The following TACC1 variants were observed in gnomAD, a reference collection of about 807,000 sequenced individuals.
TACC1 encodes transforming acidic coiled-coil-containing protein 1.
TACC1 carries 48 observed loss-of-function variants against 84.4 expected under a neutral mutation model. The ratio of observed to expected loss-of-function variants is 0.57; its 90% CI spans 0.45 to 0.72. The LOEUF is 0.72. Ranked by LOEUF, TACC1 falls within the 30% of genes least tolerant of loss-of-function variation. The pLI is 0.00. For missense variants in TACC1, 920 were observed against 973.0 expected (o/e 0.95, Z 0.72); for synonymous variants, 372 against 376.3 (o/e 0.99, Z 0.13).
At chr8:38,774,465 C>T (rs1814385747) in intron 3 of TACC1, among the ~76,000 whole-genome samples, 1 of 152,106 alleles carries the variant, frequency 6.6e-6, no homozygotes, top group South Asian at 2.1e-4. Context: ...ATTATTTTGC[C>T]TTAAACACTA....
At chr8:38,840,831 C>A (rs529606706) in intron 9 of TACC1, among the ~76,000 whole-genome samples, 13 of 152,182 alleles carry the variant, frequency 8.5e-5, no homozygotes, top group African/African-American at 3.1e-4. Flanking sequence ...AGGTGGATCA[C>A]CTGAGGTTGA....
chr8:38,752,940 T>C lies in TACC1; in HGVS notation c.26+7447T>C, dbSNP rs145327355. ...TCACTGGGGACAGACAACAGCAGGG[T>C]TGCCCATAACTTACAGCTGGCCTCT... On this transcript the variant is annotated intron_variant, in intron 3 of 14. Transcript: ENST00000518415. Among the ~76,000 whole-genome samples, 165 of 152,180 alleles carry C rather than the reference T, an allele frequency of 1.1e-3. 1 individual carries two copies. The highest frequency in any genetic ancestry group is 3.6e-3 in the African/African-American group (149 of 41,514).
chr8:38,783,076 ATCTATCTATCTATC>A (rs1376533596), upstream of TACC1, among the ~76,000 whole-genome samples: 25 of 96,070 alleles, frequency 2.6e-4, no homozygotes, highest in African/African-American at 1.3e-3. Context: ...ATATCTATCT[ATCTATCTATCTATC>A]TATCTATCTA....
chr8:38,788,501 G>C, intron 1 of TACC1: 2 of 489,976 alleles, frequency 4.1e-6, no homozygotes, highest in Non-Finnish European at 7.3e-6. Context: ...CTTTCAGAGA[G>C]ACAGGATGCC....
intron 3 of TACC1, among the ~76,000 whole-genome samples, chr8:38,773,257 T>C (rs920291912): frequency 2.0e-5 from 3 of 151,838 alleles, no homozygotes; most frequent in East Asian, 3.9e-4. Flanking sequence ...AATTGGAAAG[T>C]GGAGTTGTGG....
In TACC1 at chr8:38,820,329, C is replaced by T. The variant is rs1467755860; in HGVS notation, c.1085C>T (p.Ala362Val). 3 of 1,614,174 alleles carry T rather than the reference C, an allele frequency of 1.9e-6. No homozygotes were observed. The highest frequency in any genetic ancestry group is 2.5e-6 in the Non-Finnish European group (3 of 1,180,032). ...CAAAAAGATGGCATCAGTAAGTCAG[C>T]AGGTTTAGAACAGCCTACAGACCCA... is the stretch of plus-strand genomic sequence containing the variant. ...KIQKDGISKS[A>V]GLEQPTDPVA... The change falls in exon 3 of 13, where the codon GCA becomes GTA. Residue 362 changes from alanine to valine, a missense_variant. Transcript: ENST00000317827.
At chr8:38,785,440 G>A (rs1182018404), upstream of TACC1, among the ~76,000 whole-genome samples, 1 of 152,186 alleles carries the variant, frequency 6.6e-6, no homozygotes, top group Non-Finnish European at 1.5e-5. Flanking sequence ...GGAACCGAAA[G>A]ATTAGAGCAC....
chr8:38,748,790 A>G (rs2151728191), intron 3 of TACC1, among the ~76,000 whole-genome samples: 1 of 152,304 alleles, frequency 6.6e-6, no homozygotes, highest in South Asian at 2.1e-4. Context: ...AATGTAGCTA[A>G]CATAGCACTT....
intron 2 of TACC1, among the ~76,000 whole-genome samples, chr8:38,812,166 G>A (rs946407077): frequency 1.3e-5 from 2 of 152,168 alleles, no homozygotes; most frequent in African/African-American, 2.4e-5. Flanking sequence ...AAGACAATAT[G>A]TGCATAGCTG....
At chr8:38,796,811 A>G (rs1458734696) in intron 2 of TACC1, among the ~76,000 whole-genome samples, 1 of 152,172 alleles carries the variant, frequency 6.6e-6, no homozygotes. Context: ...CGCCTGTTTT[A>G]TGGTAGATAG....
intron 5 of TACC1, among the ~76,000 whole-genome samples, chr8:38,830,382 C>G (rs1828965283): frequency 6.6e-6 from 1 of 152,214 alleles, no homozygotes; most frequent in South Asian, 2.1e-4. Context: ...TCAAGCGATT[C>G]TCCTGCTTCA....
intron 2 of TACC1, among the ~76,000 whole-genome samples, chr8:38,810,906 C>G (rs1255418214): frequency 6.6e-6 from 1 of 152,098 alleles, no homozygotes; most frequent in Non-Finnish European, 1.5e-5. Context: ...GATGTGGGCC[C>G]AGGAGTTTGA....
intron 8 of TACC1, chr8:38,839,775 A>G (rs1226494008): frequency 6.2e-6 from 1 of 160,224 alleles, no homozygotes; most frequent in Non-Finnish European, 1.4e-5. Flanking sequence ...AGGACACAAA[A>G]TAAAACTTGT....
chr8:38,788,663 A>T, intron 1 of TACC1, 41 bp from the exon 2 acceptor site: 2 of 1,455,508 alleles, frequency 1.4e-6, no homozygotes, highest in Non-Finnish European at 1.9e-6. Context: ...TGTCGGAAAT[A>T]CCGTTGAAAG....
At chr8:38,795,068 A>G (rs1009333598) in intron 2 of TACC1, among the ~76,000 whole-genome samples, 8 of 152,350 alleles carry the variant, frequency 5.3e-5, no homozygotes, top group East Asian at 1.9e-4. Context: ...CAACCAGCTA[A>G]TAAATGAGAT....
intron 2 of TACC1, chr8:38,799,562 TCAAATGTTAAAAGGAAGAAGG>T (rs889621503): frequency 6.6e-6 from 1 of 152,070 alleles, no homozygotes; most frequent in Non-Finnish European, 1.5e-5. Context: ...AATCTGGAGG[TCAAATGTTAAAAGGAAGAAGG>T]CAAATGTTAA....
At position 38,820,068 on chromosome 8, in the gene TACC1, C is replaced by T; in HGVS notation, c.824C>T (p.Thr275Ile). Residue 275 changes from threonine to isoleucine, a missense_variant, in exon 3 of 13, where the codon ACA becomes ATA. Coordinates refer to ENST00000317827, the MANE Select transcript of TACC1 (RefSeq NM_006283.3). Reference protein sequence around the residue: ...HFSPEELDENTSPLLGDARFQ... With the variant: ...HFSPEELDENISPLLGDARFQ... ...AGTCCTGAAGAGTTGGATGAGAACA[C>T]AAGTCCTTTGCTAGGAGATGCCAGG... 6.2e-7 allele frequency: 1 copy of T among 1,614,150 alleles called. No homozygotes were observed. Among genetic ancestry groups the T allele is most frequent in the Non-Finnish European group, 8.5e-7 (1 of 1,180,034 alleles).
chr8:38,818,560 T>C (rs1307940175), intron 2 of TACC1, among the ~76,000 whole-genome samples: 1 of 152,188 alleles, frequency 6.6e-6, no homozygotes, highest in Non-Finnish European at 1.5e-5. Context: ...ACAGAGGTTC[T>C]AAAGAAAAAA....
intron 2 of TACC1, among the ~76,000 whole-genome samples, chr8:38,800,834 A>G (rs993853123): frequency 3.3e-5 from 5 of 152,172 alleles, no homozygotes; most frequent in African/African-American, 1.2e-4. Flanking sequence ...AACTTTTTCA[A>G]ACTGGCTGCA....
Sources: gnomAD v4.1 joint callset for allele counts (sites outside exome capture counted in the v4.1 genomes callset) on GRCh38, gnomAD v4.1.1 for gene constraint, MANE v1.5 for transcripts, NCBI Gene and HGNC (gene_info 2026-07-23, HGNC 2026-07-21) for gene names.